ADAM23: variants seen among roughly 807,000 people sequenced by gnomAD.
The protein encoded by ADAM23 is ADAM metallopeptidase domain 23, also known as disintegrin and metalloproteinase domain-containing protein 23.
Under a neutral mutation model 120.1 loss-of-function variants are expected in ADAM23, and 33 were observed. The observed-to-expected ratio is 0.27, with a 90% CI of 0.21 to 0.37. The LOEUF (loss-of-function observed/expected upper bound fraction) is 0.37. Among genes scored for constraint, ADAM23 ranks in the 10% least tolerant of loss-of-function variants. The pLI, the probability that ADAM23 is intolerant of heterozygous loss-of-function variation, is 1.00. For missense variants in ADAM23, 862 were observed against 1,058.2 expected, an observed-to-expected ratio of 0.81 and a Z score of 2.57; for synonymous variants, 367 against 375.2, an observed-to-expected ratio of 0.98 and a Z score of 0.25.
intron 22 of ADAM23, among the ~76,000 whole-genome samples, chr2:206,593,398 G>GA (rs1402463917): frequency 6.6e-6 from 1 of 152,174 alleles, no homozygotes; most frequent in Non-Finnish European, 1.5e-5. Flanking sequence ...TCCCCCTGCA[G>GA]AATTGCCTTC....
intron 2 of ADAM23, among the ~76,000 whole-genome samples, chr2:206,472,904 T>C: frequency 6.6e-6 from 1 of 152,202 alleles, no homozygotes; most frequent in Non-Finnish European, 1.5e-5. Flanking sequence ...GTAGGAGATG[T>C]TCATCGTGGG....
chr2:206,577,372 A>G (rs1698135070), intron 18 of ADAM23, among the ~76,000 whole-genome samples: 1 of 137,200 alleles, frequency 7.3e-6, no homozygotes, highest in African/African-American at 2.8e-5. Flanking sequence ...CTAACTCGTC[A>G]TCTAGCATTA....
chr2:206,543,601 G>A (rs968136765), intron 6 of ADAM23, among the ~76,000 whole-genome samples: 36 of 152,064 alleles, frequency 2.4e-4, no homozygotes, highest in African/African-American at 8.5e-4. Flanking sequence ...GTATTAGCCA[G>A]CCTCCTTACT....
chr2:206,582,527 A>AT (rs1553562888), intron 18 of ADAM23, among the ~76,000 whole-genome samples: 1 of 152,194 alleles, frequency 6.6e-6, no homozygotes, highest in Non-Finnish European at 1.5e-5. Context: ...CATTTAGGCC[A>AT]TTACATTCAA....
intron 24 of ADAM23, among the ~76,000 whole-genome samples, chr2:206,599,928 A>G (rs139410995): frequency 0.012 from 1,877 of 152,330 alleles, 46 homozygotes; most frequent in Admixed American, 0.052. Flanking sequence ...GTGGCCGGGC[A>G]CGGTGGCTCA....
chr2:206,489,954 A>G (rs1696096614), intron 3 of ADAM23, among the ~76,000 whole-genome samples: 1 of 152,214 alleles, frequency 6.6e-6, no homozygotes, highest in Non-Finnish European at 1.5e-5. Context: ...ACCATCTGTT[A>G]TGCTCTGTGT....
At chr2:206,536,977 A>T (rs1186371434) in intron 4 of ADAM23, among the ~76,000 whole-genome samples, 1 of 152,156 alleles carries the variant, frequency 6.6e-6, no homozygotes, top group African/African-American at 2.4e-5. Context: ...AAGTGCTGGG[A>T]TTACAGGCAT....
At chr2:206,553,031 A>G (rs1417563700) in intron 9 of ADAM23, among the ~76,000 whole-genome samples, 1 of 152,122 alleles carries the variant, frequency 6.6e-6, no homozygotes, top group East Asian at 1.9e-4. Context: ...TTTTGAAACA[A>G]GGAAAAAGAA....
chr2:206,562,928 A>G (rs1219773456), intron 13 of ADAM23, among the ~76,000 whole-genome samples: 1 of 152,122 alleles, frequency 6.6e-6, no homozygotes, highest in African/African-American at 2.4e-5. Context: ...TTTTTTCGTT[A>G]ATCAGATGAG....
chr2:206,587,802 A>G (rs1271243052), intron 19 of ADAM23, among the ~76,000 whole-genome samples: 1 of 152,212 alleles, frequency 6.6e-6, no homozygotes, highest in East Asian at 1.9e-4. Flanking sequence ...GAAGCTAAAA[A>G]TCATTTTGGT....
At position 206,445,482 on chromosome 2, in the gene ADAM23, C is replaced by T. The variant is rs1410349445; in HGVS notation, c.390C>T (p.His130=). Residue 130 remains histidine, a synonymous_variant, in exon 2 of 26, where the codon CAC becomes CAT. Coordinates refer to ENST00000264377, the MANE Select transcript of ADAM23 (RefSeq NM_003812.4). ...YINQDSESPY[H]VLDTKARHQQ... ...ACCAAGACTCGGAAAGCCCTTATCACGTTCTTGACACAAAGGCAAGACACC... is the reference window on the plus strand; with the variant it reads ...ACCAAGACTCGGAAAGCCCTTATCATGTTCTTGACACAAAGGCAAGACACC... 6.2e-7 allele frequency: 1 copy of T among 1,613,942 alleles called. No individual in the cohort carries two copies. The highest frequency in any genetic ancestry group is 2.2e-5 in the East Asian group (1 of 44,898).
chr2:206,573,248 T>TC, intron 18 of ADAM23, 53 bp downstream of exon 18: 1 of 1,535,824 alleles, frequency 6.5e-7, no homozygotes, highest in African/African-American at 1.4e-5. Context: ...GGTTGAGTAT[T>TC]CCTTACCACA....
intron 9 of ADAM23, among the ~76,000 whole-genome samples, chr2:206,553,331 G>C (rs1697573226): frequency 1.3e-5 from 2 of 152,152 alleles, no homozygotes; most frequent in African/African-American, 4.8e-5. Context: ...AGCTACTTGG[G>C]AGGCTGAGAC....
In ADAM23 at chr2:206,558,336, C is replaced by T. The variant is rs374140186; in HGVS notation, c.1005+838C>T. ...TTTATTGTGTGTTCCTTCTTAAATG[C>T]GAAAAAAACCCCACCATTTTTTATA... On this transcript the variant is annotated intron_variant, in intron 10 of 25. Transcript: ENST00000264377. Among the ~76,000 whole-genome samples the T allele has an allele frequency of 1.6e-4, 25 of 151,950 alleles. No individual in the cohort carries two copies. The East Asian group carries it at 2.1e-3, about 13-fold the overall frequency.
intron 11 of ADAM23, 125 bp downstream of exon 11, chr2:206,560,243 G>T (rs1481164279): frequency 2.0e-6 from 2 of 1,013,432 alleles, no homozygotes; most frequent in African/African-American, 1.6e-5. Flanking sequence ...GGGTTCCTTT[G>T]TCTGTTAGAT....
intron 1 of ADAM23, 103 bp downstream of exon 1, chr2:206,444,183 G>C (rs1250862246): frequency 1.1e-6 from 1 of 937,516 alleles, no homozygotes; most frequent in Non-Finnish European, 1.4e-6. Flanking sequence ...TCCCCGGCTC[G>C]GCCTTTCCTT....
chr2:206,472,657 A>G (rs918602119), intron 2 of ADAM23, among the ~76,000 whole-genome samples: 3 of 152,030 alleles, frequency 2.0e-5, no homozygotes, highest in Non-Finnish European at 4.4e-5. Flanking sequence ...TACATAAGAA[A>G]AGAGAGGAAG....
Position 206,481,196 on chromosome 2 carries a change from G to A in ADAM23, c.433-36G>A, listed in dbSNP as rs755607321. 7 of 1,528,126 alleles carry A rather than the reference G, an allele frequency of 4.6e-6. No individual in the cohort carries two copies. In the Admixed American group the frequency reaches 1.4e-4, roughly 30 times the overall value. The allele number at this position is 1,528,126 out of a possible 1,614,324, so 94.7% of individuals were successfully genotyped here. A position where few individuals can be genotyped will look rare whatever the true frequency, so the allele number is the denominator to read the frequency against. ...AATAATCTGTCTTAAAGACAGGAAAGTAAGTTAAGGTTCTTCTGTCTTTTT... is the reference window on the plus strand; with the variant it reads ...AATAATCTGTCTTAAAGACAGGAAAATAAGTTAAGGTTCTTCTGTCTTTTT... On this transcript the variant is annotated intron_variant, in intron 2 of 25. Coordinates refer to ENST00000264377, the MANE Select transcript of ADAM23 (RefSeq NM_003812.4).
In ADAM23 at chr2:206,617,887, CT is replaced by C; in HGVS notation, c.*268del. On this transcript the variant is annotated 3_prime_UTR_variant, in exon 26 of 26. Transcript: ENST00000264377. ...GCTATAAAAAGAACTGTTCCAGAATCTTTTTTTTCCCTAATGGACGAAGGAA... is the reference window on the plus strand; with the variant it reads ...GCTATAAAAAGAACTGTTCCAGAATCTTTTTTTCCCTAATGGACGAAGGAA... 5.3e-5 allele frequency: 28 copies of C among 525,496 alleles called. No homozygotes were observed. Among genetic ancestry groups the C allele is most frequent in the East Asian group, 1.2e-4 (3 of 25,046 alleles). 32.6% of individuals were successfully genotyped at this position (525,496 alleles called of 1,614,324 possible).
Sources: allele counts gnomAD v4.1 joint callset (sites outside exome capture counted in the v4.1 genomes callset), GRCh38; gene constraint gnomAD v4.1.1; transcripts MANE v1.5; gene names NCBI Gene and HGNC (gene_info 2026-07-23, HGNC 2026-07-21).